The following ACOX2 variants were observed in gnomAD, a reference collection of about 807,000 sequenced individuals.
The protein encoded by ACOX2 is acyl-CoA oxidase 2.
Under a neutral mutation model 77.5 loss-of-function variants are expected in ACOX2, and 59 were observed. That is an observed-to-expected ratio of 0.76 (90% CI 0.62 to 0.95). The LOEUF (loss-of-function observed/expected upper bound fraction) is 0.95, where lower values mean the gene tolerates loss of function less well. ACOX2 is among the 40% of genes least tolerant of loss of function. The pLI, the probability that ACOX2 is intolerant of heterozygous loss-of-function variation, is 0.00. For synonymous variants in ACOX2, 317 were observed against 340.1 expected (o/e 0.93, Z 0.75); for missense variants, 837 against 880.4 (o/e 0.95, Z 0.62).
rs760252245 is a variant in ACOX2, at chr3:58,531,287, C to T, written c.783G>A (p.Arg261=). 1.2e-6 allele frequency: 2 copies of T among 1,613,418 alleles called. No homozygotes were observed. The highest frequency in any genetic ancestry group is 3.3e-5 in the Admixed American group (2 of 60,020). The change falls in exon 7 of 15, where the codon CGG becomes CGA. Residue 261 remains arginine, a synonymous_variant. Coordinates refer to ENST00000302819, the MANE Select transcript of ACOX2 (RefSeq NM_003500.4). The surrounding 1 kb of genome is among the most constrained non-coding windows in gnomAD (Gnocchi z 5.8). ...GACTCAGCATGTTCTCCCTGGGGACCCGCACATGGTTCAGCTGCAGGAAGC... is the reference window on the plus strand; with the variant it reads ...GACTCAGCATGTTCTCCCTGGGGACTCGCACATGGTTCAGCTGCAGGAAGC... ...DNGFLQLNHV[R]VPRENMLSRF...
rs1399771232 is a variant in ACOX2, at chr3:58,531,608, C to A, written c.703+85G>T. The A allele has an allele frequency of 1.3e-6, 2 of 1,555,706 alleles. No individual in the cohort carries two copies. The highest frequency in any genetic ancestry group is 2.7e-5 in the African/African-American group (2 of 73,226). On this transcript the variant is annotated intron_variant, in intron 6 of 14. Coordinates refer to ENST00000302819, the MANE Select transcript of ACOX2 (RefSeq NM_003500.4). This position sits in a 1 kb window ranked among gnomAD's most constrained non-coding sequence, Gnocchi z 5.8. ...CAAGGGAGACATGTCTTAGCTACTCCTGTGGCCCTCTGGGGCCCCAGGTCA... is the reference window on the plus strand; with the variant it reads ...CAAGGGAGACATGTCTTAGCTACTCATGTGGCCCTCTGGGGCCCCAGGTCA...
Position 58,526,275 on chromosome 3 carries a change from T to C in ACOX2, c.1346+191A>G, listed in dbSNP as rs903524112. 4.6e-5 allele frequency among the ~76,000 whole-genome samples: 7 copies of C among 152,160 alleles called. No homozygotes were observed. The highest frequency in any genetic ancestry group is 3.9e-4 in the Admixed American group (6 of 15,278). ...AAGAGACCAGGGAGGGGTCTGAGGC[T>C]GTGGTGGAGGTGAGAGAGGATGGTG... On this transcript the variant is annotated intron_variant, in intron 10 of 14. Transcript: ENST00000302819. This position sits in a 1 kb window ranked among gnomAD's most constrained non-coding sequence, Gnocchi z 4.3.
chr3:58,508,805 A>G, intron 14 of ACOX2, 88 bp downstream of exon 14: 1 of 1,525,150 alleles, frequency 6.6e-7, no homozygotes, highest in South Asian at 1.2e-5. Flanking sequence ...ACCTAACGGG[A>G]ATCAATTAAA....
rs937489023 is a variant in ACOX2 at position 58,515,240 on chromosome 3, C to A, written c.1850+1966G>T. 6.6e-6 allele frequency among the ~76,000 whole-genome samples: 1 copy of A among 152,118 alleles called. No homozygotes were observed. Among genetic ancestry groups the A allele is most frequent in the Non-Finnish European group, 1.5e-5 (1 of 68,016 alleles). On this transcript the variant is annotated intron_variant, in intron 13 of 14. Coordinates refer to ENST00000302819, the MANE Select transcript of ACOX2 (RefSeq NM_003500.4). The surrounding 1 kb of genome is among the most constrained non-coding windows in gnomAD (Gnocchi z 4.0). ...TTCACCATGTTGGCCAGGCTGGCCTCGAACTCCTGACCTCAGGTGATCCAC... is the reference window on the plus strand; with the variant it reads ...TTCACCATGTTGGCCAGGCTGGCCTAGAACTCCTGACCTCAGGTGATCCAC...
intron 13 of ACOX2, among the ~76,000 whole-genome samples, chr3:58,509,944 C>G (rs923668561): frequency 6.6e-6 from 1 of 152,100 alleles, no homozygotes; most frequent in African/African-American, 2.4e-5. Flanking sequence ...CAGTATTTAT[C>G]TGAATGTCAA....
At chr3:58,510,478 C>T (rs1205176745) in intron 13 of ACOX2, among the ~76,000 whole-genome samples, 2 of 150,028 alleles carry the variant, frequency 1.3e-5, no homozygotes, top group Non-Finnish European at 3.0e-5. Context: ...ACTAAAAATA[C>T]AAAAATTAGC....
rs1051078020 is a variant in ACOX2 at position 58,512,813 on chromosome 3, A to C, written c.1851-3788T>G. On this transcript the variant is annotated intron_variant, in intron 13 of 14. Transcript: ENST00000302819. The surrounding 1 kb of genome is among the most constrained non-coding windows in gnomAD (Gnocchi z 4.8). Reference sequence around the variant, plus strand: ...CCTATTGCTTAGTGATTGATGTTAGAATTGGCTGCAGTATTCAGAACAGCA... The same window carrying C: ...CCTATTGCTTAGTGATTGATGTTAGCATTGGCTGCAGTATTCAGAACAGCA... 1.3e-4 allele frequency among the ~76,000 whole-genome samples: 20 copies of C among 152,222 alleles called. No homozygotes were observed. Among genetic ancestry groups the C allele is most frequent in the African/African-American group, 4.8e-4 (20 of 41,454 alleles).
At position 58,532,192 on chromosome 3, in the gene ACOX2, C is replaced by T. The variant is rs75103487; in HGVS notation, c.584-380G>A. Among the ~76,000 whole-genome samples the T allele has an allele frequency of 2.2e-3, 330 of 152,196 alleles. 2 individuals are homozygous for T. The highest frequency in any genetic ancestry group is 7.1e-3 in the African/African-American group (295 of 41,532). ...CATTTTCCAGTTAAGGAAACAGGCT[C>T]AGAGAGTAGAGTGACACACTGAAGG... On this transcript the variant is annotated intron_variant, in intron 5 of 14. Coordinates refer to ENST00000302819, the MANE Select transcript of ACOX2 (RefSeq NM_003500.4).
intron 13 of ACOX2, among the ~76,000 whole-genome samples, chr3:58,510,703 TATATATACACACACAC>T (rs1466535930): frequency 2.4e-3 from 11 of 4,512 alleles, no homozygotes; most frequent in African/African-American, 6.5e-3. Context: ...TATATATATA[TATATATACACACACAC>T]ACACACACAC....
At chr3:58,516,303 T>C (rs1219347131) in intron 13 of ACOX2, among the ~76,000 whole-genome samples, 2 of 152,216 alleles carry the variant, frequency 1.3e-5, no homozygotes, top group Non-Finnish European at 2.9e-5. Context: ...GTTCAAAGTA[T>C]ATAATACCTC....
chr3:58,510,352 G>T (rs1449852806), intron 13 of ACOX2, among the ~76,000 whole-genome samples: 7 of 151,686 alleles, frequency 4.6e-5, no homozygotes. Context: ...CATTCAACAG[G>T]CCGGGCGCGA....
At chr3:58,527,660 C>T (rs758225358) in intron 9 of ACOX2, among the ~76,000 whole-genome samples, 8 of 152,108 alleles carry the variant, frequency 5.3e-5, no homozygotes, top group Non-Finnish European at 1.2e-4. Context: ...GACTTCCCAG[C>T]CTCCAGAACT....
rs940877931 is a variant in ACOX2, at chr3:58,535,046, C to T, written c.61G>A (p.Asp21Asn). 10 of 1,614,068 alleles carry T rather than the reference C, an allele frequency of 6.2e-6. No individual in the cohort carries two copies. Among genetic ancestry groups the T allele is most frequent in the Admixed American group, 3.3e-5 (2 of 60,004 alleles). ...GDTWSRQMHPDIESERYMQSF... is the reference protein window; with the variant it reads ...GDTWSRQMHPNIESERYMQSF... ...TGCATATACCTCTCGCTCTCTATGTCGGGGTGCATTTGCCTGCTCCAGGTA... is the reference window on the plus strand; with the variant it reads ...TGCATATACCTCTCGCTCTCTATGTTGGGGTGCATTTGCCTGCTCCAGGTA... Residue 21 changes from aspartate to asparagine, a missense_variant, in exon 2 of 15, where the codon GAC (aspartate) becomes AAC (asparagine). Coordinates refer to ENST00000302819, the MANE Select transcript of ACOX2 (RefSeq NM_003500.4). The surrounding 1 kb of genome is among the most constrained non-coding windows in gnomAD (Gnocchi z 4.8).
Position 58,535,232 on chromosome 3 carries a change from C to T in ACOX2, c.-91-35G>A, listed in dbSNP as rs1411724583. 1.6e-6 allele frequency: 2 copies of T among 1,233,046 alleles called. No individual in the cohort carries two copies. Among genetic ancestry groups the T allele is most frequent in the African/African-American group, 1.5e-5 (1 of 67,584 alleles). 76.4% of individuals were successfully genotyped at this position (1,233,046 alleles called of 1,614,324 possible). On this transcript the variant is annotated intron_variant, in intron 1 of 14. Coordinates refer to ENST00000302819, the MANE Select transcript of ACOX2 (RefSeq NM_003500.4). This position sits in a 1 kb window ranked among gnomAD's most constrained non-coding sequence, Gnocchi z 4.8. ...AGAGGAACTGCCTAGGGCTGGGTGT[C>T]AGCCAGGGCTGGTTGGTAGAAGAAA...
Position 58,505,315 on chromosome 3 carries a change from C to T in ACOX2, c.1984-29G>A, listed in dbSNP as rs199547801. On this transcript the variant is annotated intron_variant, in intron 14 of 14. Coordinates refer to ENST00000302819, the MANE Select transcript of ACOX2 (RefSeq NM_003500.4). This position sits in a 1 kb window ranked among gnomAD's most constrained non-coding sequence, Gnocchi z 4.4. ...TTTGTAGAAAGAAACGCATTATTAACACAGTACATTTCTGCCAGGATTAAT... is the reference window on the plus strand; with the variant it reads ...TTTGTAGAAAGAAACGCATTATTAATACAGTACATTTCTGCCAGGATTAAT... The T allele has an allele frequency of 7.0e-6, 11 of 1,567,072 alleles. No individual in the cohort carries two copies. The Admixed American group carries it at 1.0e-4, about 15-fold the overall frequency.
In ACOX2 at chr3:58,535,328, A is replaced by C; in HGVS notation, c.-91-131T>G. On this transcript the variant is annotated intron_variant, in intron 1 of 14. Transcript: ENST00000302819. This position sits in a 1 kb window ranked among gnomAD's most constrained non-coding sequence, Gnocchi z 4.8. Reference sequence around the variant, plus strand: ...TGTGGACACTGGCTGTGGACCAGGCACTGTGTGCATGGTAGGCATGGTATG... The same window carrying C: ...TGTGGACACTGGCTGTGGACCAGGCCCTGTGTGCATGGTAGGCATGGTATG... 1.7e-6 allele frequency: 1 copy of C among 594,488 alleles called. No individual in the cohort carries two copies. The highest frequency in any genetic ancestry group is 3.0e-6 in the Non-Finnish European group (1 of 333,942). The allele number at this position is 594,488 out of a possible 1,614,324, so 36.8% of individuals were successfully genotyped here.
intron 13 of ACOX2, among the ~76,000 whole-genome samples, chr3:58,510,644 AAAAAAAAAAAAAAAAAAAAATATATAT>A (rs2063272039): frequency 3.1e-5 from 1 of 32,170 alleles, no homozygotes; most frequent in African/African-American, 1.5e-4. Flanking sequence ...AAAAAAAAAA[AAAAAAAAAAAAAAAAAAAAATATATAT>A]ATATATATAT....
chr3:58,508,434 T>G (rs2063250075), intron 14 of ACOX2, among the ~76,000 whole-genome samples: 1 of 152,220 alleles, frequency 6.6e-6, no homozygotes. Context: ...TAGCAGGCAA[T>G]CAGGTCTAAG....
In ACOX2 at chr3:58,512,714, T is replaced by G. The variant is rs552768643; in HGVS notation, c.1851-3689A>C. Among the ~76,000 whole-genome samples the G allele has an allele frequency of 3.3e-5, 5 of 152,338 alleles. No homozygotes were observed. The East Asian group carries it at 7.7e-4, about 23-fold the overall frequency. On this transcript the variant is annotated intron_variant, in intron 13 of 14. Coordinates refer to ENST00000302819, the MANE Select transcript of ACOX2 (RefSeq NM_003500.4). The surrounding 1 kb of genome is among the most constrained non-coding windows in gnomAD (Gnocchi z 4.8). The stretch of plus-strand genomic sequence containing the variant: ...AACATTTGTACTGTCATGCACTGCA[T>G]AATGATGTTTTGGTCAATGATGGAC...
Sources: allele counts gnomAD v4.1 joint callset (sites outside exome capture counted in the v4.1 genomes callset), GRCh38; gene constraint gnomAD v4.1.1; non-coding constraint Gnocchi (gnomAD v3.1); transcripts MANE v1.5; gene names NCBI Gene and HGNC (gene_info 2026-07-23, HGNC 2026-07-21).